XRCC1: variants seen among roughly 807,000 people sequenced by gnomAD.
XRCC1 encodes the protein DNA repair protein XRCC1.
Under a neutral mutation model 83.3 loss-of-function variants are expected in XRCC1, and 52 were observed. The ratio of observed to expected loss-of-function variants is 0.62; its 90% CI spans 0.50 to 0.79. The LOEUF is 0.79. Ranked by LOEUF, XRCC1 falls within the 30% of genes least tolerant of loss-of-function variation. The probability of loss-of-function intolerance (pLI) is 0.00; values close to 1 mark genes in which losing one functional copy is unlikely to be tolerated. For synonymous variants in XRCC1, 281 were observed against 312.6 expected (o/e 0.90, Z 1.07); for missense variants, 793 against 823.5 (o/e 0.96, Z 0.45).
At chr19:43,555,615 C>A (rs1436601131) in intron 3 of XRCC1, 1 of 152,188 alleles carries the variant, frequency 6.6e-6, no homozygotes, top group Non-Finnish European at 1.5e-5. Flanking sequence ...TGGAGCCCCA[C>A]CTCCCAGTTT....
Position 43,552,042 on chromosome 19 carries a change from A to G in XRCC1, c.1057T>C (p.Trp353Arg). The change falls in exon 9 of 17, where the codon TGG (tryptophan) becomes CGG (arginine). Residue 353 changes from tryptophan (W) to arginine (R), a missense_variant. Trp to Arg is a moderately radical substitution (Grantham distance 101, BLOSUM62 -3). Coordinates refer to ENST00000262887, the MANE Select transcript of XRCC1 (RefSeq NM_006297.3). ...LELGAKYRPDWTRDSTHLICA... is the reference protein window; with the variant it reads ...LELGAKYRPDRTRDSTHLICA... ...ATGAGGTGCGTGCTGTCCCGGGTCC[A>G]GTCTGGCCGATACTTGGCCCCAAGC... 1 of 1,614,088 alleles carries G rather than the reference A, an allele frequency of 6.2e-7. No individual in the cohort carries two copies. Among genetic ancestry groups the G allele is most frequent in the Non-Finnish European group, 8.5e-7 (1 of 1,179,962 alleles).
At chr19:43,568,385 T>G (rs937301639) in intron 2 of XRCC1, among the ~76,000 whole-genome samples, 21 of 152,084 alleles carry the variant, frequency 1.4e-4, no homozygotes, top group African/African-American at 3.9e-4. Flanking sequence ...TAATCCCAGC[T>G]ACTAGGGAGA....
intron 8 of XRCC1, 49 bp downstream of exon 8, chr19:43,552,748 G>A: frequency 6.6e-7 from 1 of 1,505,834 alleles, no homozygotes; most frequent in Non-Finnish European, 9.0e-7. Context: ...CTTCCCCTAG[G>A]ACACAGGAGC....
chr19:43,551,508 C>T lies in XRCC1; in HGVS notation c.1199+63G>A, dbSNP rs183744733. 9.4e-5 allele frequency: 134 copies of T among 1,430,240 alleles called. No individual in the cohort carries two copies. The East Asian group carries it at 1.9e-3, about 20-fold the overall frequency. The allele number at this position is 1,430,240 out of a possible 1,614,324, so 88.6% of individuals were successfully genotyped here. ...CGCTGGCAGGCCCCAGTCTGACTCC[C>T]CTCCAGATTCCTGGCATTGCCCAGC... On this transcript the variant is annotated intron_variant, in intron 10 of 16. Coordinates refer to ENST00000262887, the MANE Select transcript of XRCC1 (RefSeq NM_006297.3).
intron 2 of XRCC1, among the ~76,000 whole-genome samples, chr19:43,571,660 C>A (rs183948675): frequency 6.6e-6 from 1 of 152,224 alleles, no homozygotes; most frequent in Admixed American, 6.5e-5. Context: ...TAGGCCACCA[C>A]GCTTGGCAGA....
At chr19:43,546,512 C>T (rs1485094684) in intron 12 of XRCC1, 83 bp downstream of exon 12, 7 of 1,490,228 alleles carry the variant, frequency 4.7e-6, no homozygotes, top group Middle Eastern at 2.3e-4. Context: ...CCTCCTCCCT[C>T]AGACTCAGGA....
At chr19:43,560,590 C>T (rs144491282) in intron 3 of XRCC1, among the ~76,000 whole-genome samples, 1 of 152,238 alleles carries the variant, frequency 6.6e-6, no homozygotes, top group African/African-American at 2.4e-5. Context: ...CTAGAGCCTC[C>T]AGAAGGAACA....
intron 8 of XRCC1, 38 bp downstream of exon 8, chr19:43,552,759 A>G (rs1972594124): frequency 6.5e-7 from 1 of 1,529,950 alleles, no homozygotes; most frequent in Non-Finnish European, 8.9e-7. Flanking sequence ...ACACAGGAGC[A>G]CAGGCCCCTG....
rs756020424 is a variant in XRCC1 at position 43,546,669 on chromosome 19, G to A, written c.1352C>T (p.Pro451Leu). The A allele has an allele frequency of 1.2e-6, 2 of 1,610,858 alleles. No individual in the cohort carries two copies. Among genetic ancestry groups the A allele is most frequent in the Non-Finnish European group, 1.7e-6 (2 of 1,179,170 alleles). The stretch of plus-strand genomic sequence containing the variant: ...TGCTTTGGTCTCTTCAGGGGTTGGG[G>A]GCTTCTGGGGTGAGCTGGGTCCAGC... ...QAAGPSSPQK[P>L]PTPEETKAAS... Residue 451 changes from proline to leucine, a missense_variant, in exon 12 of 17, where the codon CCC (proline) becomes CTC (leucine). By Grantham distance (98) the Pro-to-Leu change is moderately conservative (BLOSUM62 -3). Transcript: ENST00000262887.
At chr19:43,561,607 G>A (rs1169952826) in intron 2 of XRCC1, among the ~76,000 whole-genome samples, 1 of 152,216 alleles carries the variant, frequency 6.6e-6, no homozygotes, top group African/African-American at 2.4e-5. Flanking sequence ...CACAGGGCAT[G>A]GCGAAGAGTA....
intron 10 of XRCC1, among the ~76,000 whole-genome samples, chr19:43,548,784 A>AAAAAAAAAAAAAAAAAAAAG (rs752610644): frequency 7.0e-6 from 1 of 142,102 alleles, no homozygotes. Context: ...AAAAAAAAAA[A>AAAAAAAAAAAAAAAAAAAAG]AACACAACAG....
chr19:43,575,503 A>G lies in XRCC1; in HGVS notation c.-45T>C, dbSNP rs751705175. The G allele has an allele frequency of 1.3e-6, 2 of 1,533,560 alleles. No individual in the cohort carries two copies. Among genetic ancestry groups the G allele is most frequent in the South Asian group, 2.2e-5 (2 of 88,914 alleles). The allele number at this position is 1,533,560 out of a possible 1,614,324, so 95.0% of individuals were successfully genotyped here. A position where few individuals can be genotyped will look rare whatever the true frequency, so the allele number is the denominator to read the frequency against. On this transcript the variant is annotated 5_prime_UTR_variant, in exon 1 of 17. Transcript: ENST00000262887. Reference sequence around the variant, plus strand: ...CCTGGCCAGAAGGATGAGGTAGAGTATGGGGTCCGAGGGGCAGGGAGAGTG... The same window carrying G: ...CCTGGCCAGAAGGATGAGGTAGAGTGTGGGGTCCGAGGGGCAGGGAGAGTG...
Position 43,545,904 on chromosome 19 carries a change from T to C in XRCC1, c.1535A>G (p.Glu512Gly). The stretch of plus-strand genomic sequence containing the variant: ...ATCCGTGGAGCCTGCATACGGGTCT[T>C]CCCCATTCTCCTCCTGGCCAGGGGG... ...RLPPGQEENG[E>G]DPYAGSTDEN... Residue 512 changes from glutamate to glycine, a missense_variant, in exon 14 of 17, where the codon GAA becomes GGA. Transcript: ENST00000262887. 1 of 1,613,906 alleles carries C rather than the reference T, an allele frequency of 6.2e-7. No individual in the cohort carries two copies. Among genetic ancestry groups the C allele is most frequent in the Non-Finnish European group, 8.5e-7 (1 of 1,179,908 alleles).
intron 2 of XRCC1, among the ~76,000 whole-genome samples, chr19:43,571,459 C>T (rs1384508089): frequency 1.3e-5 from 2 of 152,290 alleles, no homozygotes; most frequent in Middle Eastern, 3.4e-3. Flanking sequence ...TTCACTGACT[C>T]ATTTGTCAGT....
intron 2 of XRCC1, 165 bp downstream of exon 2, chr19:43,574,745 C>G (rs758912712): frequency 8.1e-6 from 5 of 616,746 alleles, no homozygotes; most frequent in Non-Finnish European, 1.5e-5. Flanking sequence ...GGTCTCCTTT[C>G]CTCTCTGCTG....
intron 2 of XRCC1, among the ~76,000 whole-genome samples, chr19:43,572,668 G>A (rs1165089450): frequency 3.9e-5 from 6 of 152,110 alleles, no homozygotes; most frequent in Non-Finnish European, 5.9e-5. Flanking sequence ...GGCAAAACTC[G>A]GTCTCTATTA....
intron 2 of XRCC1, among the ~76,000 whole-genome samples, chr19:43,567,152 C>A (rs1053768939): frequency 6.0e-5 from 9 of 151,236 alleles, no homozygotes; most frequent in African/African-American, 1.7e-4. Context: ...TTGCCAAGGG[C>A]AACATTGGGG....
chr19:43,574,850 A>T, intron 2 of XRCC1, 60 bp downstream of exon 2: 1 of 1,418,768 alleles, frequency 7.0e-7, no homozygotes, highest in Non-Finnish European at 1.0e-6. Flanking sequence ...GCTCAGGAGC[A>T]GAATCTGGAA....
chr19:43,546,970 T>G lies in XRCC1; in HGVS notation c.1207A>C (p.Met403Leu), dbSNP rs1568511492. Residue 403 changes from methionine to leucine, a missense_variant, in exon 11 of 17, where the codon ATG becomes CTG. Met to Leu is a conservative substitution (Grantham distance 15, BLOSUM62 2). Coordinates refer to ENST00000262887, the MANE Select transcript of XRCC1 (RefSeq NM_006297.3). ...TCACTGCTGGAACCTGGCCCTGCCA[T>G]GAGGTACCTAGGGGACAAATCGGGC... is the stretch of plus-strand genomic sequence containing the variant. ...RRRLPSQRYL[M>L]AGPGSSSEED... 1.2e-6 allele frequency: 2 copies of G among 1,613,752 alleles called. No individual in the cohort carries two copies. Among genetic ancestry groups the G allele is most frequent in the South Asian group, 1.1e-5 (1 of 91,086 alleles).
Sources: allele counts gnomAD v4.1 joint callset (sites outside exome capture counted in the v4.1 genomes callset), GRCh38; gene constraint gnomAD v4.1.1; transcripts MANE v1.5; gene names NCBI Gene and HGNC (gene_info 2026-07-23, HGNC 2026-07-21).